ERBB4: variants seen among roughly 807,000 people sequenced by gnomAD.
The protein encoded by ERBB4 is receptor tyrosine-protein kinase erbB-4.
A neutral mutation model predicts 158.0 loss-of-function variants in ERBB4; 42 were observed. That is an observed-to-expected ratio of 0.27 (90% CI 0.21 to 0.34). ERBB4 has a LOEUF of 0.34. Among genes scored for constraint, ERBB4 ranks in the 10% least tolerant of loss-of-function variants. The pLI, the probability that ERBB4 is intolerant of heterozygous loss-of-function variation, is 1.00. For synonymous variants in ERBB4, 583 were observed against 558.7 expected (o/e 1.04, Z -0.61); for missense variants, 1,333 against 1,624.1 (o/e 0.82, Z 3.08).
intron 9 of ERBB4, among the ~76,000 whole-genome samples, chr2:211,711,317 G>A (rs1005424242): frequency 2.0e-5 from 3 of 151,874 alleles, no homozygotes; most frequent in Non-Finnish European, 4.4e-5. Flanking sequence ...ATATATGAGA[G>A]ATATTCTTTA....
chr2:211,600,017 A>G (rs1420694268), intron 19 of ERBB4, among the ~76,000 whole-genome samples: 1 of 152,166 alleles, frequency 6.6e-6, no homozygotes, highest in Non-Finnish European at 1.5e-5. Context: ...TGTAGTTCTC[A>G]ATAAGCAATC....
intron 3 of ERBB4, among the ~76,000 whole-genome samples, chr2:211,888,700 C>G (rs527944282): frequency 7.9e-5 from 12 of 151,850 alleles, no homozygotes; most frequent in Non-Finnish European, 1.8e-4. Context: ...GCGCACCGTG[C>G]GCGAGCCGAA....
At chr2:211,449,591 T>C (rs1574509590) in intron 20 of ERBB4, among the ~76,000 whole-genome samples, 1 of 152,310 alleles carries the variant, frequency 6.6e-6, no homozygotes, top group African/African-American at 2.4e-5. Context: ...ACATACCATC[T>C]GTGAAGAAAT....
intron 3 of ERBB4, among the ~76,000 whole-genome samples, chr2:211,882,130 A>G (rs547376165): frequency 5.3e-5 from 8 of 152,298 alleles, no homozygotes; most frequent in African/African-American, 1.9e-4. Flanking sequence ...ATGATGGGAA[A>G]TCATTAGGCA....
At chr2:211,819,908 C>T (rs2076957711) in intron 3 of ERBB4, among the ~76,000 whole-genome samples, 1 of 151,808 alleles carries the variant, frequency 6.6e-6, no homozygotes, top group African/African-American at 2.4e-5. Flanking sequence ...TGATAAAGGA[C>T]ATTGTATAAT....
At chr2:211,774,114 C>T (rs1389220498) in intron 4 of ERBB4, among the ~76,000 whole-genome samples, 1 of 150,544 alleles carries the variant, frequency 6.6e-6, no homozygotes, top group East Asian at 2.0e-4. Flanking sequence ...CCTCTGTCGC[C>T]CAGGCTGGAG....
intron 20 of ERBB4, among the ~76,000 whole-genome samples, chr2:211,493,247 C>T (rs1190479405): frequency 6.6e-6 from 1 of 152,026 alleles, no homozygotes; most frequent in Non-Finnish European, 1.5e-5. Context: ...TTTTATACAT[C>T]CAACATCTTT....
chr2:212,150,363 G>C (rs2080828286), intron 1 of ERBB4, among the ~76,000 whole-genome samples: 1 of 152,084 alleles, frequency 6.6e-6, no homozygotes, highest in Non-Finnish European at 1.5e-5. Context: ...AAGGACACCA[G>C]TCATATTGGA....
intron 2 of ERBB4, among the ~76,000 whole-genome samples, chr2:212,094,669 G>A (rs987688975): frequency 1.1e-4 from 17 of 152,042 alleles, no homozygotes; most frequent in East Asian, 1.9e-4. Flanking sequence ...TGTCATGATC[G>A]AAAGCTTCCT....
At position 211,634,977 on chromosome 2, in the gene ERBB4, T is replaced by C. The variant is rs184482780; in HGVS notation, c.1947-4383A>G. 2.0e-5 allele frequency among the ~76,000 whole-genome samples: 3 copies of C among 152,298 alleles called. No individual in the cohort carries two copies. The East Asian group carries it at 5.8e-4, about 29-fold the overall frequency. The stretch of plus-strand genomic sequence containing the variant: ...ATGAGCCACCACTCCAGGCCTTGAA[T>C]GTGAATCTTGTATGTGAATCAGCGG... On this transcript the variant is annotated intron_variant, in intron 16 of 27. Transcript: ENST00000342788.
chr2:212,193,420 T>C (rs2082333814), intron 1 of ERBB4, among the ~76,000 whole-genome samples: 1 of 152,070 alleles, frequency 6.6e-6, no homozygotes, highest in Non-Finnish European at 1.5e-5. Context: ...TTCCCCAATT[T>C]TCTCTAGTTT....
intron 19 of ERBB4, among the ~76,000 whole-genome samples, chr2:211,609,035 T>C (rs141055199): frequency 6.6e-6 from 1 of 152,038 alleles, no homozygotes; most frequent in South Asian, 2.1e-4. Flanking sequence ...GATGATGGTA[T>C]GCAGACTATA....
intron 2 of ERBB4, among the ~76,000 whole-genome samples, chr2:212,087,218 A>G (rs1290037439): frequency 6.6e-6 from 1 of 151,938 alleles, no homozygotes; most frequent in Non-Finnish European, 1.5e-5. Flanking sequence ...GCCATCACCA[A>G]ACTAAACTTC....
chr2:211,644,179 CA>C (rs1320372659), intron 16 of ERBB4, among the ~76,000 whole-genome samples: 2 of 151,990 alleles, frequency 1.3e-5, no homozygotes, highest in African/African-American at 4.8e-5. Flanking sequence ...CATTGCACCC[CA>C]TTTTAAATTA....
intron 1 of ERBB4, among the ~76,000 whole-genome samples, chr2:212,290,438 T>G (rs2086163140): frequency 1.3e-5 from 2 of 152,144 alleles, no homozygotes; most frequent in Admixed American, 1.3e-4. Context: ...GAATGTAAAC[T>G]AAAAATTCTA....
At chr2:212,453,166 T>A (rs11695241) in intron 1 of ERBB4, among the ~76,000 whole-genome samples, 32,442 of 152,118 alleles carry the variant, frequency 0.21, 4,483 homozygotes, top group African/African-American at 0.4. Flanking sequence ...AAATGTTATA[T>A]GATGATAATC....
chr2:211,664,442 T>C (rs759868870), intron 15 of ERBB4, among the ~76,000 whole-genome samples: 9 of 152,052 alleles, frequency 5.9e-5, no homozygotes, highest in African/African-American at 1.2e-4. Context: ...TTATGGGCAG[T>C]AGGAGGATGG....
intron 1 of ERBB4, among the ~76,000 whole-genome samples, chr2:212,204,690 C>A (rs1456825048): frequency 1.7e-4 from 24 of 142,706 alleles, no homozygotes; most frequent in African/African-American, 6.1e-4. Context: ...GAGTGAGACT[C>A]TGTCCCCCAC....
intron 20 of ERBB4, among the ~76,000 whole-genome samples, chr2:211,432,473 A>AACTT (rs2063764690): frequency 6.6e-6 from 1 of 152,198 alleles, no homozygotes; most frequent in South Asian, 2.1e-4. Context: ...TTCTGAAATC[A>AACTT]ACTTACAACC....
Sources: allele counts gnomAD v4.1 joint callset (sites outside exome capture counted in the v4.1 genomes callset), GRCh38; gene constraint gnomAD v4.1.1; transcripts MANE v1.5; gene names NCBI Gene and HGNC (gene_info 2026-07-23, HGNC 2026-07-21).